Variants in HS6ST2 observed in about 807,000 individuals in gnomAD.
HS6ST2 encodes the protein heparan-sulfate 6-O-sulfotransferase 2.
In HS6ST2, 17 loss-of-function variants were observed where a neutral mutation model predicts 33.0. The observed-to-expected ratio is 0.52, with a 90% confidence interval of 0.35 to 0.77. The LOEUF (loss-of-function observed/expected upper bound fraction) is 0.77, where lower values mean the gene tolerates loss of function less well. Among genes scored for constraint, HS6ST2 ranks in the 30% least tolerant of loss-of-function variants. The pLI is 0.01. For missense variants in HS6ST2, 519 were observed against 551.7 expected, an observed-to-expected ratio of 0.94 and a Z score of 0.59; for synonymous variants, 248 against 237.1, an observed-to-expected ratio of 1.05 and a Z score of -0.42.
At chrX:132,911,560 G>A (rs982464026) in intron 2 of HS6ST2, among the ~76,000 whole-genome samples, 2 of 111,225 alleles carry the variant, frequency 1.8e-5, no homozygotes, top group Non-Finnish European at 3.8e-5. Context: ...GCTTTGCTAT[G>A]GCTAATTCTT....
chrX:132,870,866 A>G (rs1317141638), intron 2 of HS6ST2, among the ~76,000 whole-genome samples: 1 of 111,799 alleles, frequency 8.9e-6, no homozygotes, highest in African/African-American at 3.3e-5. Flanking sequence ...CAAAGACTTC[A>G]TGACTAAAAG....
At chrX:132,791,032 G>A (rs766502226) in intron 2 of HS6ST2, among the ~76,000 whole-genome samples, 93 of 109,788 alleles carry the variant, frequency 8.5e-4, no homozygotes, top group Non-Finnish European at 1.3e-3. Flanking sequence ...TTGTAGTCCC[G>A]GCTACTTGGG....
At chrX:132,925,168 A>C (rs2066697568) in intron 2 of HS6ST2, among the ~76,000 whole-genome samples, 1 of 111,796 alleles carries the variant, frequency 8.9e-6, no homozygotes, top group South Asian at 3.8e-4. Flanking sequence ...ACAAAACCCC[A>C]AAAAGACAGG....
chrX:132,637,853 A>ATATATATAATATAT (rs1225301097), intron 4 of HS6ST2, among the ~76,000 whole-genome samples: 1 of 29,371 alleles, frequency 3.4e-5, no homozygotes, highest in Non-Finnish European at 4.6e-5. Flanking sequence ...TATATATAAT[A>ATATATATAATATAT]TATATATAAT....
intron 2 of HS6ST2, among the ~76,000 whole-genome samples, chrX:132,830,390 G>A (rs1050559569): frequency 6.3e-5 from 7 of 111,491 alleles, no homozygotes; most frequent in African/African-American, 2.3e-4. Flanking sequence ...AAGGCAAAAC[G>A]ACTATAGAGG....
intron 2 of HS6ST2, among the ~76,000 whole-genome samples, chrX:132,856,627 T>A (rs756193472): frequency 1.8e-5 from 2 of 111,578 alleles, no homozygotes; most frequent in Non-Finnish European, 3.8e-5. Flanking sequence ...ATTTAAGAGA[T>A]AATTATTATT....
intron 2 of HS6ST2, among the ~76,000 whole-genome samples, chrX:132,857,556 G>A (rs905565228): frequency 9.0e-6 from 1 of 111,288 alleles, no homozygotes; most frequent in Non-Finnish European, 1.9e-5. Context: ...TGGATATTAG[G>A]CAAAAATAGA....
intron 2 of HS6ST2, among the ~76,000 whole-genome samples, chrX:132,954,750 C>G (rs1466599128): frequency 8.9e-6 from 1 of 112,215 alleles, no homozygotes; most frequent in Admixed American, 9.4e-5. Flanking sequence ...CATGGTTGCT[C>G]TTTGATTAGA....
chrX:132,649,676 G>A (rs1462394477), intron 4 of HS6ST2, among the ~76,000 whole-genome samples: 1 of 111,093 alleles, frequency 9.0e-6, no homozygotes, highest in Non-Finnish European at 1.9e-5. Flanking sequence ...TGGCCAATAT[G>A]GTGAAACCTT....
intron 2 of HS6ST2, among the ~76,000 whole-genome samples, chrX:132,871,594 G>A (rs887223670): frequency 8.9e-6 from 1 of 111,904 alleles, no homozygotes; most frequent in African/African-American, 3.2e-5. Context: ...GGAATACTAT[G>A]CAGCCAGAAA....
chrX:132,659,118 T>C (rs1460905321), intron 4 of HS6ST2, among the ~76,000 whole-genome samples: 1 of 112,056 alleles, frequency 8.9e-6, no homozygotes, highest in Non-Finnish European at 1.9e-5. Flanking sequence ...TAGGCACCCA[T>C]GCACTGATGA....
chrX:132,815,956 C>A (rs1306076751), intron 2 of HS6ST2, among the ~76,000 whole-genome samples: 2 of 111,701 alleles, frequency 1.8e-5, no homozygotes, highest in African/African-American at 3.3e-5. Flanking sequence ...CCAAAAATCA[C>A]TGAACTGTAC....
rs561453730 is a variant in HS6ST2 at position 132,806,420 on chromosome X, C to T, written c.948-97926G>A. On this transcript the variant is annotated intron_variant, in intron 2 of 4. Coordinates refer to ENST00000370833, the MANE Select transcript of HS6ST2 (RefSeq NM_001394073.1). ...AAATCACTCTCCACACAGAAACACA[C>T]GCAGTCAGAGTTTTGGAATAACAGT... Among the ~76,000 whole-genome samples the T allele has an allele frequency of 3.6e-4, 39 of 109,693 alleles. 2 individuals carry two copies. Among genetic ancestry groups the T allele is most frequent in the South Asian group, 3.0e-3 (8 of 2,631 alleles).
chrX:132,878,504 C>A (rs2066129610), intron 2 of HS6ST2, among the ~76,000 whole-genome samples: 1 of 111,868 alleles, frequency 8.9e-6, no homozygotes. Context: ...ACTGCCAAGG[C>A]TGTAGCAATT....
chrX:132,879,793 G>A (rs937028642), intron 2 of HS6ST2, among the ~76,000 whole-genome samples: 1 of 111,962 alleles, frequency 8.9e-6, no homozygotes, highest in African/African-American at 3.3e-5. Context: ...TCCCTATGCT[G>A]TAGCAGCTCA....
At chrX:132,945,546 A>T (rs1292042188) in intron 2 of HS6ST2, among the ~76,000 whole-genome samples, 1 of 111,101 alleles carries the variant, frequency 9.0e-6, no homozygotes, top group African/African-American at 3.3e-5. Context: ...CCATAAAGAC[A>T]CATGCACACA....
intron 3 of HS6ST2, among the ~76,000 whole-genome samples, chrX:132,698,868 T>G (rs2064122181): frequency 8.9e-6 from 1 of 112,074 alleles, no homozygotes; most frequent in African/African-American, 3.2e-5. Context: ...GGAACTATAT[T>G]TGTCTTATTC....
chrX:132,677,720 G>A (rs1352650724), intron 3 of HS6ST2, among the ~76,000 whole-genome samples: 2 of 112,410 alleles, frequency 1.8e-5, no homozygotes, highest in African/African-American at 6.5e-5. Context: ...CCCACAGATA[G>A]GAAACTCAAG....
chrX:132,765,663 C>T (rs1451842211), intron 2 of HS6ST2, among the ~76,000 whole-genome samples: 1 of 110,936 alleles, frequency 9.0e-6, no homozygotes, highest in South Asian at 3.9e-4. Flanking sequence ...GTTGCCCAGG[C>T]TGGTCTTCAA....
Sources: gnomAD v4.1 joint callset for allele counts (sites outside exome capture counted in the v4.1 genomes callset) on GRCh38, gnomAD v4.1.1 for gene constraint, MANE v1.5 for transcripts, NCBI Gene and HGNC (gene_info 2026-07-23, HGNC 2026-07-21) for gene names.